The following TAFA2 variants were observed in gnomAD, a reference collection of about 807,000 sequenced individuals.
TAFA2 encodes the protein TAFA chemokine like family member 2.
In TAFA2, 7 loss-of-function variants were observed where a neutral mutation model predicts 18.8. That is an observed-to-expected ratio of 0.37 (90% confidence interval 0.21 to 0.70). TAFA2 has a LOEUF of 0.70. TAFA2 is among the 30% of genes least tolerant of loss of function. TAFA2 has a pLI of 0.53. For missense variants in TAFA2, 122 were observed against 158.1 expected, an observed-to-expected ratio of 0.77 and a Z score of 1.23; for synonymous variants, 60 against 54.2, an observed-to-expected ratio of 1.11 and a Z score of -0.47.
intron 1 of TAFA2, among the ~76,000 whole-genome samples, chr12:61,921,545 G>A (rs528993944): frequency 2.0e-5 from 3 of 152,130 alleles, no homozygotes; most frequent in African/African-American, 7.2e-5. Flanking sequence ...GTGTGGTGGG[G>A]TATGGTGTGG....
At position 61,741,757 on chromosome 12, in the gene TAFA2, T is replaced by A. The variant is rs192339826; in HGVS notation, c.384+11865A>T. Among the ~76,000 whole-genome samples the A allele has an allele frequency of 6.0e-3, 908 of 152,236 alleles. 13 individuals carry two copies. The highest frequency in any genetic ancestry group is 0.021 in the African/African-American group (866 of 41,546). ...TTGGACAGCAAAGAGTCATAATTTT[T>A]AAAAAATCTGAATCCCCAAAATCTA... On this transcript the variant is annotated intron_variant, in intron 4 of 4. Coordinates refer to ENST00000416284, the MANE Select transcript of TAFA2 (RefSeq NM_178539.5).
chr12:62,074,158 C>T (rs1026369616), intron 1 of TAFA2, among the ~76,000 whole-genome samples: 20 of 151,996 alleles, frequency 1.3e-4, no homozygotes, highest in African/African-American at 4.1e-4. Context: ...AAAGTTAGAA[C>T]ACACACACAC....
rs148511934 is a variant in TAFA2 at position 62,145,345 on chromosome 12, C to CTGTG, written c.-2+45910_-2+45913dup. On this transcript the variant is annotated intron_variant, in intron 1 of 4. Coordinates refer to ENST00000416284, the MANE Select transcript of TAFA2 (RefSeq NM_178539.5). ...GATTCTCGTAGGAGCCAGAACCCTA[C>CTGTG]TGTGAACTGCGCATGCAAGGAATCC... Among the ~76,000 whole-genome samples, 450 of 152,342 alleles carry CTGTG rather than the reference C, an allele frequency of 3.0e-3. 1 individual carries two copies. The highest frequency in any genetic ancestry group is 1.0e-2 in the African/African-American group (414 of 41,582).
intron 1 of TAFA2, among the ~76,000 whole-genome samples, chr12:61,912,773 T>C (rs349878): frequency 0.82 from 124,667 of 152,168 alleles, 51,486 homozygotes; most frequent in East Asian, 0.92. Flanking sequence ...TGTGAACAAC[T>C]GTGATAAAAC....
chr12:62,212,136 C>G (rs554519551), intron 1 of TAFA2, among the ~76,000 whole-genome samples: 1 of 152,110 alleles, frequency 6.6e-6, no homozygotes, highest in African/African-American at 2.4e-5. Flanking sequence ...TACAGCAAAT[C>G]AGGGAAAAGC....
chr12:61,887,736 C>T (rs1350076704), intron 1 of TAFA2, among the ~76,000 whole-genome samples: 4 of 150,928 alleles, frequency 2.7e-5, no homozygotes, highest in Non-Finnish European at 5.9e-5. Context: ...TTTCCAATTT[C>T]ATCCATGTCC....
At chr12:62,026,522 C>T (rs1335345919) in intron 1 of TAFA2, among the ~76,000 whole-genome samples, 1 of 152,122 alleles carries the variant, frequency 6.6e-6, no homozygotes, top group Non-Finnish European at 1.5e-5. Context: ...GACTCCAGCT[C>T]AACTTGACCT....
intron 1 of TAFA2, among the ~76,000 whole-genome samples, chr12:61,952,406 A>C (rs1326019504): frequency 6.6e-6 from 1 of 152,180 alleles, no homozygotes; most frequent in African/African-American, 2.4e-5. Context: ...TTCACTTTGC[A>C]TGCCCCTTTC....
At chr12:62,067,248 C>T (rs758531162) in intron 1 of TAFA2, among the ~76,000 whole-genome samples, 18 of 151,864 alleles carry the variant, frequency 1.2e-4, no homozygotes, top group African/African-American at 2.9e-4. Flanking sequence ...CAAATATTTT[C>T]TCCCATTCTT....
intron 1 of TAFA2, chr12:61,879,264 C>T (rs1875002032): frequency 7.2e-6 from 3 of 417,820 alleles, no homozygotes; most frequent in Non-Finnish European, 1.3e-5. Flanking sequence ...TTCTCCACTC[C>T]TTCTCGAATC....
intron 1 of TAFA2, among the ~76,000 whole-genome samples, chr12:62,228,700 GT>G (rs1401820011): frequency 1.3e-5 from 2 of 151,928 alleles, no homozygotes; most frequent in Non-Finnish European, 2.9e-5. Flanking sequence ...GATTTTTTTG[GT>G]TATTCAGGAT....
chr12:62,155,117 G>A (rs1039098102), intron 1 of TAFA2, among the ~76,000 whole-genome samples: 2 of 152,162 alleles, frequency 1.3e-5, no homozygotes, highest in Non-Finnish European at 2.9e-5. Context: ...CAAGATTAAT[G>A]TACACAAATC....
At chr12:61,860,637 A>T (rs17125436) in intron 2 of TAFA2, among the ~76,000 whole-genome samples, 3,112 of 152,184 alleles carry the variant, frequency 0.02, 89 homozygotes, top group African/African-American at 0.07. Flanking sequence ...AGTCACAGCA[A>T]TCTTATTTCA....
intron 1 of TAFA2, among the ~76,000 whole-genome samples, chr12:62,238,164 TG>T (rs2062846491): frequency 6.6e-6 from 1 of 152,102 alleles, no homozygotes; most frequent in Admixed American, 6.5e-5. Context: ...GTGGAAACAA[TG>T]GGTTTCCACA....
intron 1 of TAFA2, among the ~76,000 whole-genome samples, chr12:62,237,233 C>T (rs1280971014): frequency 4.6e-5 from 7 of 152,228 alleles, no homozygotes; most frequent in South Asian, 4.1e-4. Context: ...GTTCGCCGGG[C>T]GCGGTGGCTC....
rs71083953 is a variant in TAFA2 at position 61,724,751 on chromosome 12, ATGTGTGTGTGTGTGTGTGTGTGTG to A, written c.385-14358_385-14335del. 9.5e-4 allele frequency among the ~76,000 whole-genome samples: 109 copies of A among 114,712 alleles called. 2 individuals carry two copies. The highest frequency in any genetic ancestry group is 3.3e-3 in the African/African-American group (104 of 31,202). The allele number at this position is 114,712 out of a possible 152,430, so 75.3% of individuals were successfully genotyped here. A position where few individuals can be genotyped will look rare whatever the true frequency, so the allele number is the denominator to read the frequency against. On this transcript the variant is annotated intron_variant, in intron 4 of 4. Coordinates refer to ENST00000416284, the MANE Select transcript of TAFA2 (RefSeq NM_178539.5). ...CTGAGTAGTATTCCATGGTATGTCT[ATGTGTGTGTGTGTGTGTGTGTGTG>A]TGTGTGTGTGTGTGTGTGTGTGTGT...
chr12:62,066,605 A>G (rs1187726134), intron 1 of TAFA2, among the ~76,000 whole-genome samples: 1 of 152,082 alleles, frequency 6.6e-6, no homozygotes, highest in Non-Finnish European at 1.5e-5. Context: ...ACTTAACATA[A>G]TGACTTCCAG....
chr12:62,197,208 A>G (rs2062652685), upstream of TAFA2, among the ~76,000 whole-genome samples: 1 of 152,208 alleles, frequency 6.6e-6, no homozygotes, highest in African/African-American at 2.4e-5. Flanking sequence ...TCCTCCATGA[A>G]ACCGGTCCCT....
chr12:61,868,020 G>A (rs115615566), intron 1 of TAFA2, among the ~76,000 whole-genome samples: 235 of 152,226 alleles, frequency 1.5e-3, no homozygotes, highest in African/African-American at 5.4e-3. Context: ...CCACCTTGAT[G>A]TAAGTTCCCA....
Sources: allele counts gnomAD v4.1 joint callset (sites outside exome capture counted in the v4.1 genomes callset), GRCh38; gene constraint gnomAD v4.1.1; transcripts MANE v1.5; gene names NCBI Gene and HGNC (gene_info 2026-07-23, HGNC 2026-07-21).